Variants in NEK7 observed in about 807,000 individuals in gnomAD.
NEK7 encodes the protein serine/threonine-protein kinase Nek7.
A neutral mutation model predicts 44.6 loss-of-function variants in NEK7; 18 were observed. The ratio of observed to expected loss-of-function variants is 0.40; its 90% confidence interval spans 0.28 to 0.60. The LOEUF is 0.60. Ranked by LOEUF, NEK7 falls within the 20% of genes least tolerant of loss-of-function variation. The probability of loss-of-function intolerance (pLI) is 0.38; values close to 1 mark genes in which losing one functional copy is unlikely to be tolerated. For missense variants in NEK7, 256 were observed against 366.5 expected (o/e 0.70, Z 2.46); for synonymous variants, 130 against 121.1 (o/e 1.07, Z -0.48).
chr1:198,180,993 C>T (rs1476401173), intron 1 of NEK7, among the ~76,000 whole-genome samples: 4 of 152,054 alleles, frequency 2.6e-5, no homozygotes, highest in South Asian at 4.1e-4. Flanking sequence ...CAAAATAGGA[C>T]AAGTTATCAA....
chr1:198,290,370 T>G lies in NEK7; in HGVS notation c.590-2575T>G, dbSNP rs770247272. ...AATCTCTGAAAAAGGTTTTTGGAAA[T>G]AATTATATCTTCATTAATTTTGAAA... On this transcript the variant is annotated intron_variant, in intron 7 of 9. Transcript: ENST00000367385. Among the ~76,000 whole-genome samples, 47 of 152,224 alleles carry G rather than the reference T, an allele frequency of 3.1e-4. 1 individual carries two copies. The highest frequency in any genetic ancestry group is 5.6e-4 in the Non-Finnish European group (38 of 68,042).
Position 198,160,947 on chromosome 1 carries a change from T to G in NEK7, c.-29+3671T>G, listed in dbSNP as rs1664085949. Among the ~76,000 whole-genome samples, 3 of 152,222 alleles carry G rather than the reference T, an allele frequency of 2.0e-5. No individual in the cohort carries two copies. The South Asian group carries it at 6.2e-4, about 32-fold the overall frequency. ...ACAGAGTATATTTCATGCTTTTCAG[T>G]GGGCAGTGGGAATGAGAAGGACAGA... On this transcript the variant is annotated intron_variant, in intron 1 of 9. Coordinates refer to ENST00000367385, the MANE Select transcript of NEK7 (RefSeq NM_133494.3).
At chr1:198,255,988 G>T (rs1202269308) in intron 3 of NEK7, among the ~76,000 whole-genome samples, 1 of 151,928 alleles carries the variant, frequency 6.6e-6, no homozygotes, top group Non-Finnish European at 1.5e-5. Context: ...GCTGACCAAT[G>T]CTTTTCCTTT....
intron 9 of NEK7, among the ~76,000 whole-genome samples, chr1:198,304,423 T>C (rs1654971430): frequency 6.6e-6 from 1 of 152,180 alleles, no homozygotes. Flanking sequence ...TTTAATGTAT[T>C]AGACCCACTT....
chr1:198,278,256 C>G (rs1435300549), intron 6 of NEK7, among the ~76,000 whole-genome samples, 187 bp downstream of exon 6: 28 of 150,734 alleles, frequency 1.9e-4, no homozygotes, highest in African/African-American at 6.4e-4. Flanking sequence ...GTAAATTAAT[C>G]TGCTTGACTC....
intron 1 of NEK7, among the ~76,000 whole-genome samples, chr1:198,190,768 T>A (rs1038680800): frequency 2.6e-5 from 4 of 152,000 alleles, no homozygotes; most frequent in African/African-American, 9.7e-5. Context: ...ATTAGGAGAG[T>A]GGCCCTGAAA....
intron 6 of NEK7, 147 bp downstream of exon 6, chr1:198,278,216 A>G: frequency 1.9e-6 from 1 of 530,486 alleles, no homozygotes; most frequent in African/African-American, 2.1e-5. Context: ...AAACCTTTAA[A>G]TAAAGCACTA....
intron 1 of NEK7, among the ~76,000 whole-genome samples, chr1:198,167,831 T>A (rs749789680): frequency 1.3e-5 from 2 of 152,174 alleles, no homozygotes; most frequent in Non-Finnish European, 2.9e-5. Flanking sequence ...TTATGATGAG[T>A]AACCTGTTCC....
At chr1:198,179,589 A>G (rs1469172942) in intron 1 of NEK7, among the ~76,000 whole-genome samples, 1 of 152,136 alleles carries the variant, frequency 6.6e-6, no homozygotes, top group Non-Finnish European at 1.5e-5. Context: ...TAGGAAAATC[A>G]AGGGACTTTA....
intron 1 of NEK7, among the ~76,000 whole-genome samples, chr1:198,171,968 A>C (rs1423563193): frequency 6.6e-6 from 1 of 152,178 alleles, no homozygotes; most frequent in Non-Finnish European, 1.5e-5. Flanking sequence ...GTCTGTCATC[A>C]TACTTGCTTC....
At chr1:198,180,507 G>A (rs780148053) in intron 1 of NEK7, among the ~76,000 whole-genome samples, 2 of 152,014 alleles carry the variant, frequency 1.3e-5, no homozygotes, top group East Asian at 3.8e-4. Context: ...GCATTGAGAA[G>A]CTTGCATTTG....
chr1:198,251,217 T>G (rs7542416), intron 2 of NEK7, among the ~76,000 whole-genome samples: 77,487 of 151,002 alleles, frequency 0.51, 23,200 homozygotes, highest in East Asian at 0.89. Context: ...TGCATCCCAG[T>G]GATGAAGCCC....
At chr1:198,245,465 G>A (rs752534494) in intron 2 of NEK7, 3 of 162,872 alleles carry the variant, frequency 1.8e-5, no homozygotes, top group Non-Finnish European at 4.4e-5. Context: ...TGATTCCTTA[G>A]AAGAGCTGAC....
intron 1 of NEK7, among the ~76,000 whole-genome samples, chr1:198,192,630 C>G (rs1455784416): frequency 6.6e-6 from 1 of 151,944 alleles, no homozygotes; most frequent in African/African-American, 2.4e-5. Flanking sequence ...AGATCACAGT[C>G]TAGTCAAATT....
intron 7 of NEK7, among the ~76,000 whole-genome samples, chr1:198,286,202 C>T (rs960067595): frequency 6.6e-6 from 1 of 152,200 alleles, no homozygotes; most frequent in African/African-American, 2.4e-5. Context: ...TTCTATTCTA[C>T]ATCTCTTTGA....
At chr1:198,210,732 T>G (rs1004837578) in intron 1 of NEK7, among the ~76,000 whole-genome samples, 1 of 147,624 alleles carries the variant, frequency 6.8e-6, no homozygotes, top group African/African-American at 2.5e-5. Context: ...GTCCCTTCAA[T>G]TTGTATTTCT....
At chr1:198,162,153 T>C (rs1383883424) in intron 1 of NEK7, among the ~76,000 whole-genome samples, 1 of 152,110 alleles carries the variant, frequency 6.6e-6, no homozygotes, top group Non-Finnish European at 1.5e-5. Context: ...GTGTAGCTAC[T>C]GAGTAGCATA....
chr1:198,260,327 A>G (rs1653414987), intron 3 of NEK7, among the ~76,000 whole-genome samples: 1 of 151,974 alleles, frequency 6.6e-6, no homozygotes, highest in Non-Finnish European at 1.5e-5. Context: ...AGCTTAATGT[A>G]TACAACAGCT....
chr1:198,179,649 A>G (rs748653106), intron 1 of NEK7, among the ~76,000 whole-genome samples: 6 of 152,134 alleles, frequency 3.9e-5, no homozygotes, highest in Non-Finnish European at 7.4e-5. Flanking sequence ...ATTTTGGGCT[A>G]AACAGTCTTT....
Sources: allele counts gnomAD v4.1 joint callset (sites outside exome capture counted in the v4.1 genomes callset), GRCh38; gene constraint gnomAD v4.1.1; transcripts MANE v1.5; gene names NCBI Gene and HGNC (gene_info 2026-07-23, HGNC 2026-07-21).